The following ANKRD28 variants were observed in gnomAD, a reference collection of about 807,000 sequenced individuals.
ANKRD28 encodes ankyrin repeat domain 28, also known as serine/threonine-protein phosphatase 6 regulatory ankyrin repeat subunit A.
In ANKRD28, 44 loss-of-function variants were observed where a neutral mutation model predicts 126.5. The observed-to-expected ratio is 0.35, with a 90% CI of 0.27 to 0.45. The LOEUF is 0.45. Ranked by LOEUF, ANKRD28 falls within the 20% of genes least tolerant of loss-of-function variation. ANKRD28 has a pLI of 1.00. For synonymous variants in ANKRD28, 442 were observed against 468.5 expected (o/e 0.94, Z 0.73); for missense variants, 1,110 against 1,316.6 (o/e 0.84, Z 2.43).
At position 15,695,262 on chromosome 3, in the gene ANKRD28, C is replaced by G. The variant is rs542668157; in HGVS notation, c.1660-48G>C. ...AATATTTAGCTTGGGAAGTATTCAT[C>G]TATATTAAGTCTCAACTTATATAGA... On this transcript the variant is annotated intron_variant, in intron 15 of 27. Transcript: ENST00000683139. 2.3e-5 allele frequency: 32 copies of G among 1,372,686 alleles called. No individual in the cohort carries two copies. In the East Asian group the frequency reaches 2.5e-4, roughly 11 times the overall value. The allele number at this position is 1,372,686 out of a possible 1,614,324, so 85.0% of individuals were successfully genotyped here. A position where few individuals can be genotyped will look rare whatever the true frequency, so the allele number is the denominator to read the frequency against.
chr3:15,686,468 C>T, intron 18 of ANKRD28, 159 bp from the exon 19 acceptor site: 1 of 638,760 alleles, frequency 1.6e-6, no homozygotes, highest in East Asian at 2.7e-5. Context: ...TTTCTACGGC[C>T]TTTGACTGTT....
intron 8 of ANKRD28, among the ~76,000 whole-genome samples, chr3:15,720,114 C>T (rs2073540473): frequency 6.6e-6 from 1 of 152,102 alleles, no homozygotes; most frequent in Non-Finnish European, 1.5e-5. Context: ...TCCTCCTACC[C>T]TGGCCTCCCA....
At chr3:15,757,091 GT>G (rs2058202087) in intron 3 of ANKRD28, among the ~76,000 whole-genome samples, 1 of 152,016 alleles carries the variant, frequency 6.6e-6, no homozygotes, top group Non-Finnish European at 1.5e-5. Context: ...GATGATCTGC[GT>G]CCATTCAATA....
intron 1 of ANKRD28, among the ~76,000 whole-genome samples, chr3:15,807,531 G>C (rs1346274454): frequency 6.6e-6 from 1 of 152,182 alleles, no homozygotes; most frequent in African/African-American, 2.4e-5. Context: ...ATTTTGACCT[G>C]TTAAAATGAG....
Position 15,812,426 on chromosome 3 carries a change from C to T in ANKRD28, c.28-17120G>A, listed in dbSNP as rs1575753448. Among the ~76,000 whole-genome samples the T allele has an allele frequency of 6.6e-6, 1 of 152,120 alleles. No individual in the cohort carries two copies. The highest frequency in any genetic ancestry group is 1.5e-5 in the Non-Finnish European group (1 of 68,010). On this transcript the variant is annotated intron_variant, in intron 1 of 27. Transcript: ENST00000399451. The surrounding 1 kb of genome is among the most constrained non-coding windows in gnomAD (Gnocchi z 4.1). The stretch of plus-strand genomic sequence containing the variant: ...TAAAAGATGATAATTACAATTTATA[C>T]AGTTATTAAAAGCAAAATTAGCTAA...
rs1021511861 is a variant in ANKRD28, at chr3:15,817,875, A to G, written c.28-22569T>C. ...CAGACAACATGATTGTCTTTATAGA[A>G]GATTCCATGGAATCTATTAAAAAAT... On this transcript the variant is annotated intron_variant, in intron 1 of 27. Transcript: ENST00000399451. The surrounding 1 kb of genome is among the most constrained non-coding windows in gnomAD (Gnocchi z 4.5). Among the ~76,000 whole-genome samples the G allele has an allele frequency of 2.0e-5, 3 of 152,194 alleles. No individual in the cohort carries two copies. The highest frequency in any genetic ancestry group is 4.4e-5 in the Non-Finnish European group (3 of 68,036).
chr3:15,702,401 A>G (rs1486885723), intron 14 of ANKRD28, among the ~76,000 whole-genome samples: 1 of 152,194 alleles, frequency 6.6e-6, no homozygotes, highest in Non-Finnish European at 1.5e-5. Flanking sequence ...ACATTAACAC[A>G]TGTTCATTTT....
At chr3:15,670,633 T>C in intron 27 of ANKRD28, 77 bp from the exon 28 acceptor site, 1 of 1,389,568 alleles carries the variant, frequency 7.2e-7, no homozygotes, top group Non-Finnish European at 9.8e-7. Context: ...AAGCCTAAAG[T>C]ACTTCAACTT....
At position 15,838,651 on chromosome 3, in the gene ANKRD28, G is replaced by A. The variant is rs2061369341; in HGVS notation, c.27+20726C>T. On this transcript the variant is annotated intron_variant, in intron 1 of 27. Transcript: ENST00000399451. The surrounding 1 kb of genome is among the most constrained non-coding windows in gnomAD (Gnocchi z 4.0). ...TAATCCCAGCTACTTGGGAGGCTGA[G>A]GCAGGAGAACTACTTGAACCCAGGA... Among the ~76,000 whole-genome samples the A allele has an allele frequency of 6.6e-6, 1 of 152,014 alleles. No individual in the cohort carries two copies. The highest frequency in any genetic ancestry group is 2.4e-5 in the African/African-American group (1 of 41,382).
intron 11 of ANKRD28, among the ~76,000 whole-genome samples, chr3:15,711,512 G>A (rs1318446108): frequency 6.6e-6 from 1 of 152,186 alleles, no homozygotes; most frequent in Non-Finnish European, 1.5e-5. Context: ...TATATTAAGT[G>A]AAACAAGCCA....
rs2125958783 is a variant in ANKRD28, at chr3:15,838,070, TGAAG to T, written c.27+21303_27+21306del. Among the ~76,000 whole-genome samples, 1 of 152,264 alleles carries T rather than the reference TGAAG, an allele frequency of 6.6e-6. No individual in the cohort carries two copies. Among genetic ancestry groups the T allele is most frequent in the Non-Finnish European group, 1.5e-5 (1 of 68,002 alleles). On this transcript the variant is annotated intron_variant, in intron 1 of 27. Coordinates refer to the ANKRD28 transcript ENST00000399451. The surrounding 1 kb of genome is among the most constrained non-coding windows in gnomAD (Gnocchi z 4.0). ...ATTCTAAGACACAAATTACTGACTC[TGAAG>T]AAGATACAGAAAATATGAATAGAAC...
At chr3:15,708,317 C>T (rs1575292527) in intron 13 of ANKRD28, among the ~76,000 whole-genome samples, 2 of 152,220 alleles carry the variant, frequency 1.3e-5, no homozygotes, top group East Asian at 3.9e-4. Flanking sequence ...AGCAGCAATC[C>T]CAGTCCCAGT....
rs1575790802 is a variant in ANKRD28, at chr3:15,833,529, T to C, written c.27+25848A>G. On this transcript the variant is annotated intron_variant, in intron 1 of 27. Transcript: ENST00000399451. This position sits in a 1 kb window ranked among gnomAD's most constrained non-coding sequence, Gnocchi z 4.4. Reference sequence around the variant, plus strand: ...TATTATGTACTATATATATATAAAATATATACATTATTTTTTATATATATA... The same window carrying C: ...TATTATGTACTATATATATATAAAACATATACATTATTTTTTATATATATA... Among the ~76,000 whole-genome samples, 1 of 148,028 alleles carries C rather than the reference T, an allele frequency of 6.8e-6. No homozygotes were observed. The highest frequency in any genetic ancestry group is 2.1e-4 in the South Asian group (1 of 4,806).
chr3:15,858,326 TC>T (rs2061819177), intron 1 of ANKRD28, among the ~76,000 whole-genome samples: 4 of 152,336 alleles, frequency 2.6e-5, no homozygotes, highest in African/African-American at 9.6e-5. Context: ...GCAAGACCAT[TC>T]TGATACCTAA....
intron 14 of ANKRD28, among the ~76,000 whole-genome samples, chr3:15,698,872 C>G (rs6787119): frequency 0.17 from 26,469 of 152,048 alleles, 3,511 homozygotes; most frequent in East Asian, 0.56. Context: ...ACTTTCTTCA[C>G]AGAATTGGAA....
chr3:15,699,323 T>C (rs556565335), intron 14 of ANKRD28, among the ~76,000 whole-genome samples: 22 of 152,304 alleles, frequency 1.4e-4, no homozygotes, highest in South Asian at 2.1e-4. Context: ...ATTCAGGGCA[T>C]AGGCATGGGC....
At chr3:15,791,439 A>G (rs949524922) in intron 2 of ANKRD28, among the ~76,000 whole-genome samples, 2 of 152,136 alleles carry the variant, frequency 1.3e-5, no homozygotes, top group African/African-American at 4.8e-5. Context: ...AGAACAGAAC[A>G]GAGAACCCAA....
At chr3:15,705,689 C>T (rs1375958388) in intron 14 of ANKRD28, among the ~76,000 whole-genome samples, 1 of 152,132 alleles carries the variant, frequency 6.6e-6, no homozygotes, top group Non-Finnish European at 1.5e-5. Context: ...ATAAAATACA[C>T]ATTACTATTG....
chr3:15,763,518 G>C (rs562772287), intron 3 of ANKRD28, among the ~76,000 whole-genome samples: 21 of 152,358 alleles, frequency 1.4e-4, no homozygotes, highest in Non-Finnish European at 2.8e-4. Context: ...TAAAAAGGAT[G>C]TCAGGTAACA....
Sources: allele counts gnomAD v4.1 joint callset (sites outside exome capture counted in the v4.1 genomes callset), GRCh38; gene constraint gnomAD v4.1.1; non-coding constraint Gnocchi (gnomAD v3.1); transcripts MANE v1.5; gene names NCBI Gene and HGNC (gene_info 2026-07-23, HGNC 2026-07-21).